The following BCL2L13 variants were observed in gnomAD, a reference collection of about 807,000 sequenced individuals.
The protein encoded by BCL2L13 is bcl-2-like protein 13.
Under a neutral mutation model 25.8 loss-of-function variants are expected in BCL2L13, and 13 were observed. The observed-to-expected ratio is 0.50, with a 90% CI of 0.33 to 0.80. The LOEUF (loss-of-function observed/expected upper bound fraction) is 0.80. BCL2L13 is among the 30% of genes least tolerant of loss of function. BCL2L13 has a pLI of 0.02. For missense variants in BCL2L13, 504 were observed against 574.9 expected, an observed-to-expected ratio of 0.88 and a Z score of 1.26; for synonymous variants, 244 against 230.3, an observed-to-expected ratio of 1.06 and a Z score of -0.54.
At chr22:17,685,963 G>A (rs1045349550) in intron 3 of BCL2L13, among the ~76,000 whole-genome samples, 2 of 150,824 alleles carry the variant, frequency 1.3e-5, no homozygotes, top group African/African-American at 2.4e-5. Context: ...TAGTAGAGAC[G>A]GGGTTTCACC....
intron 1 of BCL2L13, among the ~76,000 whole-genome samples, chr22:17,654,826 A>G (rs995098327): frequency 1.6e-4 from 25 of 151,640 alleles, no homozygotes; most frequent in Non-Finnish European, 2.6e-4. Context: ...GGCTCAAGCA[A>G]TCCTCCCGCC....
At chr22:17,629,216 A>G (rs9618076) in intron 1 of BCL2L13, among the ~76,000 whole-genome samples, 1,952 of 152,044 alleles carry the variant, frequency 0.013, 34 homozygotes, top group African/African-American at 0.045. Context: ...GAAAAAAAAA[A>G]GGGGGATACA....
intron 6 of BCL2L13, among the ~76,000 whole-genome samples, chr22:17,706,328 T>G (rs1241982791): frequency 6.6e-6 from 1 of 150,786 alleles, no homozygotes; most frequent in African/African-American, 2.5e-5. Flanking sequence ...CTTTCTACCT[T>G]GTTTTTTTTT....
intron 1 of BCL2L13, among the ~76,000 whole-genome samples, chr22:17,655,064 TC>T (rs1392890734): frequency 2.5e-5 from 1 of 40,804 alleles, no homozygotes; most frequent in Non-Finnish European, 5.0e-5. Context: ...TTTTAAATTT[TC>T]TTTTTTTTTT....
chr22:17,700,196 A>G (rs1415069305), intron 5 of BCL2L13, among the ~76,000 whole-genome samples: 1 of 152,176 alleles, frequency 6.6e-6, no homozygotes, highest in Non-Finnish European at 1.5e-5. Context: ...GATCAAATGG[A>G]TCACTTTGCA....
At chr22:17,725,171 CAGA>C (rs1157323327) in intron 6 of BCL2L13, among the ~76,000 whole-genome samples, 1 of 152,208 alleles carries the variant, frequency 6.6e-6, no homozygotes, top group Non-Finnish European at 1.5e-5. Context: ...TCTCTGCCAT[CAGA>C]GGAATTTTAA....
At chr22:17,637,163 T>C (rs1206178769), upstream of BCL2L13, among the ~76,000 whole-genome samples, 1 of 151,962 alleles carries the variant, frequency 6.6e-6, no homozygotes, top group Non-Finnish European at 1.5e-5. Context: ...TCCCAGCACT[T>C]TGGGAGGCCA....
intron 6 of BCL2L13, among the ~76,000 whole-genome samples, chr22:17,722,043 C>T (rs2061151306): frequency 6.6e-6 from 1 of 152,092 alleles, no homozygotes; most frequent in South Asian, 2.1e-4. Flanking sequence ...TTTTTCTAAA[C>T]ATGTGTTTTG....
intron 5 of BCL2L13, among the ~76,000 whole-genome samples, 159 bp from the exon 6 acceptor site, chr22:17,702,084 G>GA (rs1311252771): frequency 6.6e-6 from 1 of 151,944 alleles, no homozygotes; most frequent in East Asian, 1.9e-4. Context: ...GCAGTATTCA[G>GA]AAAAATCCTA....
chr22:17,696,181 A>G lies in BCL2L13; in HGVS notation c.427A>G (p.Thr143Ala). 2.5e-6 allele frequency: 4 copies of G among 1,613,994 alleles called. No homozygotes were observed. The highest frequency in any genetic ancestry group is 3.4e-6 in the Non-Finnish European group (4 of 1,179,882). ...GGCATTTCGGGAATGTACACTGGAG[A>G]CCACAGTTCATGCCAGCGGCTGGAA... ...YQAFRECTLE[T>A]TVHASGWNKI... The change falls in exon 5 of 7, where the codon ACC becomes GCC. Residue 143 changes from threonine to alanine, a missense_variant. By Grantham distance (58) the Thr-to-Ala change is moderately conservative. Coordinates refer to ENST00000317582, the MANE Select transcript of BCL2L13 (RefSeq NM_015367.4).
At chr22:17,638,975 C>T (rs1855979173) in intron 1 of BCL2L13, 89 bp downstream of exon 1, 2 of 1,061,790 alleles carry the variant, frequency 1.9e-6, no homozygotes, top group African/African-American at 1.6e-5. Context: ...CGTATCGAGC[C>T]ACCGACTCCC....
intron 1 of BCL2L13, among the ~76,000 whole-genome samples, chr22:17,654,278 CA>C (rs1438270744): frequency 6.6e-6 from 1 of 151,900 alleles, no homozygotes; most frequent in Non-Finnish European, 1.5e-5. Context: ...TAATTTTTAA[CA>C]TTTATTTAGA....
intron 6 of BCL2L13, among the ~76,000 whole-genome samples, chr22:17,711,311 T>C (rs1431637450): frequency 6.7e-6 from 1 of 149,934 alleles, no homozygotes. Flanking sequence ...GGCCTTTTTT[T>C]TTTTGAGACA....
At position 17,688,995 on chromosome 22, in the gene BCL2L13, G is replaced by T; in HGVS notation, c.239G>T (p.Ser80Ile). The change falls in exon 4 of 7, where the codon AGC (serine) becomes ATC (isoleucine). Residue 80 changes from serine (S) to isoleucine (I), a missense_variant. Physicochemically the swap from Ser to Ile is moderately radical, Grantham distance 142. Coordinates refer to ENST00000317582, the MANE Select transcript of BCL2L13 (RefSeq NM_015367.4). ...LDKEISEAFT[S>I]TGFDRHTSPV... is the part of the protein sequence containing the mutation. Reference sequence around the variant, plus strand: ...TTTGTCCTATCTTCAGCCTTCACCAGCACAGGCTTTGACCGTCACACTTCT... The same window carrying T: ...TTTGTCCTATCTTCAGCCTTCACCATCACAGGCTTTGACCGTCACACTTCT... The T allele has an allele frequency of 6.2e-7, 1 of 1,613,036 alleles. No individual in the cohort carries two copies. Among genetic ancestry groups the T allele is most frequent in the Non-Finnish European group, 8.5e-7 (1 of 1,179,600 alleles).
chr22:17,717,236 G>A (rs2060970587), intron 6 of BCL2L13, among the ~76,000 whole-genome samples: 1 of 152,042 alleles, frequency 6.6e-6, no homozygotes, highest in Non-Finnish European at 1.5e-5. Flanking sequence ...GGGAGGCTGA[G>A]GTGGGTGGAT....
chr22:17,688,435 A>T (rs2060009031), intron 3 of BCL2L13, among the ~76,000 whole-genome samples: 1 of 152,366 alleles, frequency 6.6e-6, no homozygotes, highest in East Asian at 1.9e-4. Flanking sequence ...GTAAAACAAA[A>T]TCTTAAAAAC....
chr22:17,639,952 T>TCAAGCCATTCTCCTGCCTC (rs1182615064), intron 1 of BCL2L13, among the ~76,000 whole-genome samples: 2 of 152,100 alleles, frequency 1.3e-5, no homozygotes, highest in South Asian at 2.1e-4. Context: ...CCTCCTGGGT[T>TCAAGCCATTCTCCTGCCTC]CAAGCCATTC....
At chr22:17,665,964 C>T (rs77787043) in intron 2 of BCL2L13, among the ~76,000 whole-genome samples, 1 of 152,012 alleles carries the variant, frequency 6.6e-6, no homozygotes, top group African/African-American at 2.4e-5. Flanking sequence ...GTTTTTAACT[C>T]ATTTGGGTTA....
At chr22:17,697,940 C>G (rs2060313027) in intron 5 of BCL2L13, among the ~76,000 whole-genome samples, 1 of 151,962 alleles carries the variant, frequency 6.6e-6, no homozygotes, top group African/African-American at 2.4e-5. Flanking sequence ...GCGATTCTCC[C>G]AAATAGCTGG....
Sources: allele counts gnomAD v4.1 joint callset (sites outside exome capture counted in the v4.1 genomes callset), GRCh38; gene constraint gnomAD v4.1.1; transcripts MANE v1.5; gene names NCBI Gene and HGNC (gene_info 2026-07-23, HGNC 2026-07-21).